The following DLG2 variants were observed in gnomAD, a reference collection of about 807,000 sequenced individuals.
DLG2 encodes the protein discs large MAGUK scaffold protein 2.
Under a neutral mutation model 132.5 loss-of-function variants are expected in DLG2, and 45 were observed. That is an observed-to-expected ratio of 0.34 (90% CI 0.27 to 0.44). DLG2 has a LOEUF of 0.44. DLG2 is among the 20% of genes least tolerant of loss of function. The pLI is 1.00. For missense variants in DLG2, 1,045 were observed against 1,196.9 expected, an observed-to-expected ratio of 0.87 and a Z score of 1.87; for synonymous variants, 424 against 419.6, an observed-to-expected ratio of 1.01 and a Z score of -0.13.
chr11:84,142,942 T>C (rs1457934861), intron 9 of DLG2, among the ~76,000 whole-genome samples: 4 of 152,060 alleles, frequency 2.6e-5, no homozygotes, highest in Non-Finnish European at 5.9e-5. Flanking sequence ...CTCATATATA[T>C]ATATATGTCC....
chr11:85,490,910 C>T (rs1241811362), intron 3 of DLG2, among the ~76,000 whole-genome samples: 1 of 151,986 alleles, frequency 6.6e-6, no homozygotes, highest in South Asian at 2.1e-4. Flanking sequence ...AGAATTATCC[C>T]GAATTCAATC....
At chr11:83,970,465 T>C (rs2091116880) in intron 12 of DLG2, among the ~76,000 whole-genome samples, 1 of 152,188 alleles carries the variant, frequency 6.6e-6, no homozygotes, top group Non-Finnish European at 1.5e-5. Flanking sequence ...TTCTATTTGG[T>C]GACTGAAATA....
intron 2 of DLG2, among the ~76,000 whole-genome samples, chr11:85,615,968 C>T (rs76366044): frequency 0.038 from 5,520 of 143,802 alleles, 156 homozygotes; most frequent in Admixed American, 0.056. Flanking sequence ...TTCTTATCTA[C>T]AAAATAATTT....
intron 18 of DLG2, among the ~76,000 whole-genome samples, chr11:83,677,858 G>A (rs887874090): frequency 4.6e-5 from 7 of 152,134 alleles, no homozygotes; most frequent in Non-Finnish European, 1.0e-4. Context: ...TGTAGTAATG[G>A]CATAAGGCCA....
chr11:85,034,894 G>T (rs2061326412), intron 6 of DLG2, among the ~76,000 whole-genome samples: 1 of 151,782 alleles, frequency 6.6e-6, no homozygotes, highest in African/African-American at 2.4e-5. Context: ...TTATCATTGG[G>T]ATTCTACATC....
chr11:84,837,994 C>T (rs549926506), intron 6 of DLG2, among the ~76,000 whole-genome samples: 2 of 151,926 alleles, frequency 1.3e-5, no homozygotes, highest in East Asian at 2.0e-4. Flanking sequence ...GATCATGATG[C>T]ATGTCAAAGC....
chr11:84,054,275 A>G (rs1945816), intron 11 of DLG2, among the ~76,000 whole-genome samples: 113,787 of 151,920 alleles, frequency 0.75, 43,847 homozygotes, highest in Non-Finnish European at 0.86. Flanking sequence ...AGCTCCTTGG[A>G]AGTTATGATT....
At chr11:85,213,265 G>A (rs1370011204) in intron 4 of DLG2, among the ~76,000 whole-genome samples, 5 of 152,138 alleles carry the variant, frequency 3.3e-5, no homozygotes, top group Non-Finnish European at 7.4e-5. Flanking sequence ...GCCCTCAGGA[G>A]ATACAGAGAA....
Position 85,285,322 on chromosome 11 carries a change from T to C in DLG2, c.84A>G (p.Lys28=). Residue 28 remains lysine, a synonymous_variant, in exon 4 of 28, where the codon AAA becomes AAG. Coordinates refer to ENST00000376104, the MANE Select transcript of DLG2 (RefSeq NM_001142699.3). ...FYEVTLLNSQ[K]SCEQKIEEAN... ...CTTCTTCTATCTTCTGCTCACAACT[T>C]TTTTGAGAATTTAGCAATGTCACCT... is the stretch of plus-strand genomic sequence containing the variant. 3 of 1,611,818 alleles carry C rather than the reference T, an allele frequency of 1.9e-6. No homozygotes were observed.
At position 84,336,212 on chromosome 11, in the gene DLG2, A is replaced by G. The variant is rs117813710; in HGVS notation, c.520-84921T>C. ...CCCCAACATAAATTAGGAGATGTTA[A>G]AAAGTAAAACCAGAGAAAATAAATA... is the stretch of plus-strand genomic sequence containing the variant. On this transcript the variant is annotated intron_variant, in intron 7 of 27. Coordinates refer to ENST00000376104, the MANE Select transcript of DLG2 (RefSeq NM_001142699.3). Among the ~76,000 whole-genome samples the G allele has an allele frequency of 3.8e-4, 58 of 152,328 alleles. No homozygotes were observed. The East Asian group carries it at 0.01, about 27-fold the overall frequency.
chr11:84,691,606 T>G (rs900549136), intron 6 of DLG2, among the ~76,000 whole-genome samples: 1 of 151,800 alleles, frequency 6.6e-6, no homozygotes, highest in East Asian at 1.9e-4. Context: ...CATAAAATAA[T>G]TTAGAAATAG....
chr11:84,639,401 A>C (rs1424513505), intron 6 of DLG2, among the ~76,000 whole-genome samples: 1 of 130,012 alleles, frequency 7.7e-6, no homozygotes, highest in East Asian at 2.3e-4. Flanking sequence ...TTCTTTTTGT[A>C]AAACCAAAGA....
At chr11:83,524,688 G>A (rs563661837) in intron 21 of DLG2, among the ~76,000 whole-genome samples, 11 of 152,180 alleles carry the variant, frequency 7.2e-5, no homozygotes, top group South Asian at 4.1e-4. Flanking sequence ...ACTTCTCTGC[G>A]TTATCTCTGG....
At chr11:85,420,783 C>T (rs1444449596) in intron 3 of DLG2, among the ~76,000 whole-genome samples, 2 of 152,132 alleles carry the variant, frequency 1.3e-5, no homozygotes, top group African/African-American at 2.4e-5. Context: ...GATGCCCCTC[C>T]CCCCACCAAG....
intron 3 of DLG2, among the ~76,000 whole-genome samples, chr11:85,421,572 T>C (rs1297666240): frequency 6.6e-6 from 1 of 152,122 alleles, no homozygotes; most frequent in Non-Finnish European, 1.5e-5. Context: ...TAGGTGGGTC[T>C]CTTGAAGGCA....
Position 85,534,423 on chromosome 11 carries a change from C to T in DLG2, c.40+64234G>A, listed in dbSNP as rs181672939. Among the ~76,000 whole-genome samples the T allele has an allele frequency of 2.6e-5, 4 of 152,024 alleles. No homozygotes were observed. In the East Asian group the frequency reaches 7.7e-4, roughly 29 times the overall value. The stretch of plus-strand genomic sequence containing the variant: ...ATATTGTGTGATGCTGAAGTTTGGG[C>T]TTCTAATAATCCCATTACCCATACA... On this transcript the variant is annotated intron_variant, in intron 3 of 27. Transcript: ENST00000376104.
At chr11:85,564,475 G>T (rs777248691) in intron 3 of DLG2, among the ~76,000 whole-genome samples, 15 of 151,740 alleles carry the variant, frequency 9.9e-5, no homozygotes, top group Non-Finnish European at 1.6e-4. Context: ...TTCTACTGGT[G>T]CTAGAACTCA....
At chr11:85,520,592 C>G (rs2074229780) in intron 3 of DLG2, among the ~76,000 whole-genome samples, 1 of 151,180 alleles carries the variant, frequency 6.6e-6, no homozygotes, top group Non-Finnish European at 1.5e-5. Flanking sequence ...GAAGGAATCA[C>G]ATTACTTGAC....
At position 84,834,580 on chromosome 11, in the gene DLG2, T is replaced by C. The variant is rs1052452400; in HGVS notation, c.357+277081A>G. On this transcript the variant is annotated intron_variant, in intron 6 of 27. Coordinates refer to ENST00000376104, the MANE Select transcript of DLG2 (RefSeq NM_001142699.3). The stretch of plus-strand genomic sequence containing the variant: ...AAAATAAAAATGAATGGTGAAGTAA[T>C]GGGGAAAGCACAACTCTAAAGAAAA... Among the ~76,000 whole-genome samples the C allele has an allele frequency of 7.3e-5, 11 of 151,230 alleles. No individual in the cohort carries two copies. The East Asian group carries it at 2.1e-3, about 30-fold the overall frequency.
Sources: gnomAD v4.1 joint callset for allele counts (sites outside exome capture counted in the v4.1 genomes callset) on GRCh38, gnomAD v4.1.1 for gene constraint, MANE v1.5 for transcripts, NCBI Gene and HGNC (gene_info 2026-07-23, HGNC 2026-07-21) for gene names.